Variants in BDP1 observed in about 807,000 individuals in gnomAD.
BDP1 encodes transcription factor TFIIIB component B'' homolog.
BDP1 carries 169 observed loss-of-function variants against 266.6 expected under a neutral mutation model. The observed-to-expected ratio is 0.63, with a 90% CI of 0.56 to 0.72. The LOEUF (loss-of-function observed/expected upper bound fraction) is 0.72, where lower values mean the gene tolerates loss of function less well. Among genes scored for constraint, BDP1 ranks in the 30% least tolerant of loss-of-function variants. The probability of loss-of-function intolerance (pLI) is 0.00; values close to 1 mark genes in which losing one functional copy is unlikely to be tolerated. For synonymous variants in BDP1, 1,090 were observed against 1,022.4 expected, an observed-to-expected ratio of 1.07 and a Z score of -1.26; for missense variants, 3,015 against 3,053.8, an observed-to-expected ratio of 0.99 and a Z score of 0.30.
chr5:71,552,470 G>C (rs1256588197), intron 34 of BDP1, among the ~76,000 whole-genome samples: 1 of 152,270 alleles, frequency 6.6e-6, no homozygotes, highest in Non-Finnish European at 1.5e-5. Flanking sequence ...AAGGCAGGCG[G>C]CTGGGAGGTG....
intron 38 of BDP1, 54 bp downstream of exon 38, chr5:71,562,574 A>G: frequency 6.4e-7 from 1 of 1,566,462 alleles, no homozygotes; most frequent in South Asian, 1.2e-5. Context: ...TGGATATGAG[A>G]TTCAACTAGG....
intron 30 of BDP1, among the ~76,000 whole-genome samples, chr5:71,542,488 T>C (rs1291415007): frequency 1.3e-5 from 2 of 152,206 alleles, no homozygotes; most frequent in Non-Finnish European, 2.9e-5. Context: ...TTTGTCCTTT[T>C]ATTCTCTCTC....
chr5:71,549,919 A>G (rs1451047856), intron 34 of BDP1, among the ~76,000 whole-genome samples: 1 of 152,276 alleles, frequency 6.6e-6, no homozygotes, highest in Non-Finnish European at 1.5e-5. Flanking sequence ...AAACATACAC[A>G]TATGAAACTG....
chr5:71,524,507 G>A (rs1580139730), intron 25 of BDP1, among the ~76,000 whole-genome samples, 184 bp downstream of exon 25: 1 of 147,264 alleles, frequency 6.8e-6, no homozygotes, highest in South Asian at 2.3e-4. Flanking sequence ...CAGTCCCTAT[G>A]GCCCAGGCCC....
chr5:71,546,452 C>G (rs1742316185), intron 32 of BDP1, among the ~76,000 whole-genome samples: 1 of 151,518 alleles, frequency 6.6e-6, no homozygotes. Flanking sequence ...AACCCCATCA[C>G]TACAAAAATA....
chr5:71,495,172 T>C, intron 11 of BDP1, 78 bp from the exon 12 acceptor site: 1 of 895,810 alleles, frequency 1.1e-6, no homozygotes, highest in South Asian at 3.3e-5. Flanking sequence ...ATTTTGTGTG[T>C]TTAACATTTT....
At chr5:71,471,034 A>C (rs1302400447) in intron 7 of BDP1, among the ~76,000 whole-genome samples, 1 of 151,918 alleles carries the variant, frequency 6.6e-6, no homozygotes, top group Non-Finnish European at 1.5e-5. Context: ...TTCTAAAATG[A>C]ATTTGAGGCA....
chr5:71,554,131 T>C (rs1312632600), intron 35 of BDP1, among the ~76,000 whole-genome samples: 1 of 152,196 alleles, frequency 6.6e-6, no homozygotes, highest in Non-Finnish European at 1.5e-5. Flanking sequence ...TCTTGAGTAA[T>C]AGTTGACAAA....
At chr5:71,560,270 C>T (rs2112089196) in intron 37 of BDP1, 33 bp downstream of exon 37, 2 of 1,601,092 alleles carry the variant, frequency 1.2e-6, no homozygotes, top group Non-Finnish European at 8.5e-7. Flanking sequence ...AAGTGTTTTG[C>T]TCTCTGTCTT....
At chr5:71,457,772 C>T (rs1024979642) in intron 1 of BDP1, among the ~76,000 whole-genome samples, 1 of 152,096 alleles carries the variant, frequency 6.6e-6, no homozygotes, top group Non-Finnish European at 1.5e-5. Context: ...AAAGGTTATT[C>T]TATAAGTTAA....
In BDP1 at chr5:71,510,831, A is replaced by G. The variant is rs764495016; in HGVS notation, c.3739A>G (p.Ile1247Val). ...AAAGGTGCTAGCAGAGTTCAGTGCT[A>G]TAAGGGAAAAGGAGATTGATTTGAA... ...REKVLAEFSA[I>V]REKEIDLKET... The change falls in exon 17 of 39, where the codon ATA (isoleucine) becomes GTA (valine). Residue 1247 changes from isoleucine (I) to valine (V), a missense_variant. Coordinates refer to ENST00000358731, the MANE Select transcript of BDP1 (RefSeq NM_018429.3). 7.4e-6 allele frequency: 12 copies of G among 1,613,404 alleles called. No homozygotes were observed. Among genetic ancestry groups the G allele is most frequent in the African/African-American group, 2.7e-5 (2 of 74,836 alleles).
At chr5:71,529,662 G>C (rs1164999969) in intron 25 of BDP1, among the ~76,000 whole-genome samples, 1 of 152,208 alleles carries the variant, frequency 6.6e-6, no homozygotes. Context: ...CTGCATTGTA[G>C]CCTGGACAAC....
At chr5:71,477,941 T>C (rs1472840825) in intron 7 of BDP1, among the ~76,000 whole-genome samples, 3 of 152,028 alleles carry the variant, frequency 2.0e-5, no homozygotes, top group Non-Finnish European at 4.4e-5. Context: ...TTTATCCTAC[T>C]CTACTGGCCT....
chr5:71,558,352 T>G lies in BDP1; in HGVS notation c.7240+1427T>G, dbSNP rs574203930. Among the ~76,000 whole-genome samples the G allele has an allele frequency of 5.3e-5, 8 of 150,440 alleles. No individual in the cohort carries two copies. The East Asian group carries it at 1.4e-3, about 26-fold the overall frequency. On this transcript the variant is annotated intron_variant, in intron 36 of 38. Transcript: ENST00000358731. Reference sequence around the variant, plus strand: ...GCCTGGCCAACATGGCGAAACCCCATCTCTACTAAAAATACAAAAAATTAG... The same window carrying G: ...GCCTGGCCAACATGGCGAAACCCCAGCTCTACTAAAAATACAAAAAATTAG...
chr5:71,468,041 G>C (rs535213389), intron 6 of BDP1, among the ~76,000 whole-genome samples: 1 of 151,860 alleles, frequency 6.6e-6, no homozygotes, highest in Admixed American at 6.6e-5. Context: ...TTTTTGAGAC[G>C]GAGTTTCCCT....
rs906351305 is a variant in BDP1 at position 71,512,402 on chromosome 5, A to C, written c.4221A>C (p.Pro1407=). 6.4e-7 allele frequency: 1 copy of C among 1,567,026 alleles called. No individual in the cohort carries two copies. Among genetic ancestry groups the C allele is most frequent in the Non-Finnish European group, 8.6e-7 (1 of 1,165,568 alleles). ...EVQGIQSPDV[P]EQFSDINLSK... ...AGGGGATTCAATCTCCAGATGTTCC[A>C]GAGCAGTTTTCAGATATTAATTTAA... is the stretch of plus-strand genomic sequence containing the variant. Residue 1407 remains proline (P), a synonymous_variant, in exon 18 of 39, where the codon CCA becomes CCC. Coordinates refer to ENST00000358731, the MANE Select transcript of BDP1 (RefSeq NM_018429.3).
Position 71,510,052 on chromosome 5 carries a change from C to G in BDP1, c.2960C>G (p.Thr987Ser). The G allele has an allele frequency of 5.6e-6, 9 of 1,612,000 alleles. No homozygotes were observed. Among genetic ancestry groups the G allele is most frequent in the Non-Finnish European group, 6.8e-6 (8 of 1,179,600 alleles). Residue 987 changes from threonine (T) to serine (S), a missense_variant, in exon 17 of 39, where the codon ACT becomes AGT. Thr to Ser is a moderately conservative substitution (Grantham distance 58). Around this residue, in one of 3 missense-constraint regions of BDP1, gnomAD observed 2,383 missense variants for 2,404.9 expected, o/e 0.99. Coordinates refer to ENST00000358731, the MANE Select transcript of BDP1 (RefSeq NM_018429.3). The part of the protein sequence containing the change: ...TEEIDKNLEE[T>S]GRRKISPREN... ...GAAATAGACAAAAATTTGGAAGAAA[C>G]TGGAAGAAGAAAAATATCCCCAAGG...
intron 37 of BDP1, among the ~76,000 whole-genome samples, chr5:71,561,011 T>C (rs1320343332): frequency 6.6e-6 from 1 of 152,186 alleles, no homozygotes; most frequent in African/African-American, 2.4e-5. Flanking sequence ...CTCAGGAGGC[T>C]GAGGCCGGAG....
chr5:71,537,828 A>G (rs922924165), intron 26 of BDP1: 9 of 160,526 alleles, frequency 5.6e-5, no homozygotes, highest in African/African-American at 1.7e-4. Flanking sequence ...TGCTGAGCTG[A>G]TCTTCCTCTT....
Sources: gnomAD v4.1 joint callset for allele counts (sites outside exome capture counted in the v4.1 genomes callset) on GRCh38, gnomAD v4.1.1 for gene constraint, gnomAD v4.1.1 regional missense constraint, MANE v1.5 for transcripts, NCBI Gene and HGNC (gene_info 2026-07-23, HGNC 2026-07-21) for gene names.